DDB1: variants seen among roughly 807,000 people sequenced by gnomAD.
DDB1 encodes the protein DNA damage-binding protein 1.
DDB1 carries 18 observed loss-of-function variants against 133.1 expected under a neutral mutation model. That is an observed-to-expected ratio of 0.14 (90% CI 0.09 to 0.20). The LOEUF (loss-of-function observed/expected upper bound fraction) is 0.20, where lower values mean the gene tolerates loss of function less well. Ranked by LOEUF, DDB1 falls within the 10% of genes least tolerant of loss-of-function variation. The pLI, the probability that DDB1 is intolerant of heterozygous loss-of-function variation, is 1.00. For missense variants in DDB1, 828 were observed against 1,459.2 expected (o/e 0.57, Z 7.05); for synonymous variants, 580 against 550.5 (o/e 1.05, Z -0.75).
chr11:61,309,696 T>G, intron 20 of DDB1, 100 bp downstream of exon 20: 4 of 1,323,790 alleles, frequency 3.0e-6, no homozygotes, highest in Non-Finnish European at 4.2e-6. Context: ...GAACCCAACT[T>G]CTTCTACTGC....
rs886091221 is a variant in DDB1 at position 61,299,825 on chromosome 11, C to T, written c.*311G>A. 8.8e-6 allele frequency: 4 copies of T among 454,654 alleles called. No homozygotes were observed. The highest frequency in any genetic ancestry group is 1.6e-5 in the Non-Finnish European group (4 of 244,296). The allele number at this position is 454,654 out of a possible 1,614,324, so 28.2% of individuals were successfully genotyped here. A position where few individuals can be genotyped will look rare whatever the true frequency, so the allele number is the denominator to read the frequency against. On this transcript the variant is annotated 3_prime_UTR_variant, in exon 27 of 27. Transcript: ENST00000301764. ...CACACACACACGCACAGCTTCCTTT[C>T]AGCCAAAGAACTGCAAAATCCTTCC...
intron 22 of DDB1, 122 bp downstream of exon 22, chr11:61,303,743 T>G (rs960338066): frequency 1.0e-6 from 1 of 977,912 alleles, no homozygotes; most frequent in Admixed American, 2.4e-5. Context: ...ATGTAGAATG[T>G]CTGCTCCGGG....
In DDB1 at chr11:61,325,706, G is replaced by A; in HGVS notation, c.667C>T (p.Pro223Ser). ...EAEASMVIAV[P>S]EPFGGAIIIG... ...ATGATGGCCCCCCCAAAGGGCTCTG[G>A]GACTGCAGGAAAGACAGCAAAATTA... The change falls in exon 6 of 27, where the codon CCA (proline) becomes TCA (serine). Residue 223 changes from proline to serine, a missense_variant and splice_region_variant. Physicochemically the swap from Pro to Ser is moderately conservative, Grantham distance 74 (BLOSUM62 -1). This residue lies in a region of DDB1 where 210 missense variants were observed against 344.8 expected (regional missense o/e 0.61). Transcript: ENST00000301764. The A allele has an allele frequency of 6.2e-7, 1 of 1,611,620 alleles. No individual in the cohort carries two copies. The highest frequency in any genetic ancestry group is 8.5e-7 in the Non-Finnish European group (1 of 1,178,670).
At chr11:61,302,143 T>C (rs573104064) in intron 25 of DDB1, 114 bp downstream of exon 25, 4 of 885,460 alleles carry the variant, frequency 4.5e-6, no homozygotes, top group Non-Finnish European at 5.4e-6. Flanking sequence ...ACAAAAAACC[T>C]GTTCTGTACA....
At chr11:61,311,490 T>A in intron 18 of DDB1, 1 of 320,084 alleles carries the variant, frequency 3.1e-6, no homozygotes, top group Non-Finnish European at 5.6e-6. Context: ...TCTGTCGGAC[T>A]CCAAACCCCA....
chr11:61,327,146 T>C (rs1028583234), intron 4 of DDB1, among the ~76,000 whole-genome samples: 1 of 152,040 alleles, frequency 6.6e-6, no homozygotes, highest in Non-Finnish European at 1.5e-5. Flanking sequence ...ATTAGAAAAA[T>C]GAACTTGTCA....
At chr11:61,301,242 G>GA (rs1855788191) in intron 25 of DDB1, 1 of 273,156 alleles carries the variant, frequency 3.7e-6, no homozygotes, top group Non-Finnish European at 7.0e-6. Context: ...TGATGCACAA[G>GA]AACCACCTAA....
intron 12 of DDB1, chr11:61,315,493 C>A (rs1430487600): frequency 6.6e-6 from 1 of 152,218 alleles, no homozygotes; most frequent in East Asian, 1.9e-4. Context: ...AACTTTCCCT[C>A]CGGTTTTACC....
At chr11:61,306,124 G>A (rs1276094198) in intron 21 of DDB1, among the ~76,000 whole-genome samples, 1 of 150,546 alleles carries the variant, frequency 6.6e-6, no homozygotes. Flanking sequence ...GTCCTCACCT[G>A]ACCTCAAATG....
In DDB1 at chr11:61,302,340, T is replaced by G. The variant is rs138003606; in HGVS notation, c.3132A>C (p.Ser1044=). 1.2e-6 allele frequency: 2 copies of G among 1,614,210 alleles called. No homozygotes were observed. Among genetic ancestry groups the G allele is most frequent in the Non-Finnish European group, 1.7e-6 (2 of 1,180,006 alleles). The change falls in exon 25 of 27, where the codon TCA becomes TCC. Residue 1044 remains serine (S), a synonymous_variant. Transcript: ENST00000301764. ...NGMIGLVTSL[S]ESWYNLLLDM... ...CCAGCAGGAGGTTGTACCAGCTCTC[T>G]GACAGTGAGGTCACCAGCCCTGAAG...
chr11:61,310,084 C>A, intron 19 of DDB1, 124 bp from the exon 20 acceptor site: 1 of 1,421,720 alleles, frequency 7.0e-7, no homozygotes, highest in Non-Finnish European at 9.8e-7. Context: ...CTGTCCCTGT[C>A]TCATCAGATT....
At chr11:61,307,966 TTAC>T (rs1305118044) in intron 21 of DDB1, among the ~76,000 whole-genome samples, 1 of 152,176 alleles carries the variant, frequency 6.6e-6, no homozygotes, top group African/African-American at 2.4e-5. Context: ...TGCATCCAGA[TTAC>T]TACAAGAGCC....
intron 18 of DDB1, 65 bp from the exon 19 acceptor site, chr11:61,310,483 G>T: frequency 6.6e-7 from 1 of 1,509,810 alleles, no homozygotes. Context: ...ACATCATTGT[G>T]AAGGGACCCG....
chr11:61,319,384 C>G (rs1856139368), intron 10 of DDB1, among the ~76,000 whole-genome samples: 1 of 152,150 alleles, frequency 6.6e-6, no homozygotes, highest in African/African-American at 2.4e-5. Context: ...AGAGGCTTAA[C>G]AGTATGCTTC....
In DDB1 at chr11:61,303,736, T is replaced by C. The variant is rs1855838316; in HGVS notation, c.2832+129A>G. ...AAAAAAAAAAAAAACTTAATCAATGTAGAATGTCTGCTCCGGGGAAAACAT... is the reference window on the plus strand; with the variant it reads ...AAAAAAAAAAAAAACTTAATCAATGCAGAATGTCTGCTCCGGGGAAAACAT... On this transcript the variant is annotated intron_variant, in intron 22 of 26. Transcript: ENST00000301764. 4.7e-6 allele frequency: 4 copies of C among 850,554 alleles called. No individual in the cohort carries two copies. In the South Asian group the frequency reaches 7.6e-5, roughly 16 times the overall value. The allele number at this position is 850,554 out of a possible 1,614,324, so 52.7% of individuals were successfully genotyped here.
rs185837359 is a variant in DDB1, at chr11:61,308,311, T to G, written c.2661+672A>C. Among the ~76,000 whole-genome samples the G allele has an allele frequency of 2.6e-3, 394 of 152,220 alleles. 2 individuals are homozygous for G. The highest frequency in any genetic ancestry group is 9.0e-3 in the African/African-American group (375 of 41,528). ...GGTAGGGTTCTTACCTCCCTTCATT[T>G]TGGAATCTGCTCAAATGCCACTGTG... On this transcript the variant is annotated intron_variant, in intron 21 of 26. Transcript: ENST00000301764.
Position 61,313,860 on chromosome 11 carries a change from A to C in DDB1, c.1861+2T>G. The C allele has an allele frequency of 6.2e-7, 1 of 1,613,904 alleles. No homozygotes were observed. The highest frequency in any genetic ancestry group is 8.5e-7 in the Non-Finnish European group (1 of 1,179,872). ...GTCCCTCACTCAAAATACTACTCTCACCTGTCTCAATGTTGAGCCCAAAGT... is the reference window on the plus strand; with the variant it reads ...GTCCCTCACTCAAAATACTACTCTCCCCTGTCTCAATGTTGAGCCCAAAGT... On this transcript the variant is annotated splice_donor_variant, in intron 15 of 26. Transcript: ENST00000301764. LOFTEE classifies it high-confidence loss of function.
Position 61,331,523 on chromosome 11 carries a change from G to A in DDB1, c.210+20C>T. 6.2e-7 allele frequency: 1 copy of A among 1,609,768 alleles called. No homozygotes were observed. Among genetic ancestry groups the A allele is most frequent in the Non-Finnish European group, 8.5e-7 (1 of 1,176,424 alleles). The stretch of plus-strand genomic sequence containing the variant: ...ACCAACAGTTCCCCCTCCACTGCTT[G>A]TCCCAACTGCAACACTTACCTTGGG... On this transcript the variant is annotated intron_variant, in intron 2 of 26. Coordinates refer to ENST00000301764, the MANE Select transcript of DDB1 (RefSeq NM_001923.5).
chr11:61,328,408 A>C (rs1856305466), intron 4 of DDB1, among the ~76,000 whole-genome samples: 1 of 152,218 alleles, frequency 6.6e-6, no homozygotes, highest in African/African-American at 2.4e-5. Flanking sequence ...CATGCAAATG[A>C]AATGATCTTA....
Sources: gnomAD v4.1 joint callset for allele counts (sites outside exome capture counted in the v4.1 genomes callset) on GRCh38, gnomAD v4.1.1 for gene constraint, gnomAD v4.1.1 regional missense constraint, MANE v1.5 for transcripts, NCBI Gene and HGNC (gene_info 2026-07-23, HGNC 2026-07-21) for gene names.